TMEM132C: variants seen among roughly 807,000 people sequenced by gnomAD.
TMEM132C encodes the protein transmembrane protein 132C.
A neutral mutation model predicts 61.4 loss-of-function variants in TMEM132C; 29 were observed. The observed-to-expected ratio is 0.47, with a 90% CI of 0.35 to 0.64. The LOEUF is 0.64. TMEM132C is among the 30% of genes least tolerant of loss of function. The probability of loss-of-function intolerance (pLI) is 0.00; values close to 1 mark genes in which losing one functional copy is unlikely to be tolerated. For synonymous variants in TMEM132C, 656 were observed against 633.1 expected (o/e 1.04, Z -0.54); for missense variants, 1,408 against 1,476.9 (o/e 0.95, Z 0.76).
chr12:128,434,594 A>G (rs1297945206), intron 2 of TMEM132C, among the ~76,000 whole-genome samples: 1 of 149,848 alleles, frequency 6.7e-6, no homozygotes, highest in African/African-American at 2.5e-5. Flanking sequence ...GGCCTGGATA[A>G]TTTATATTTC....
intron 4 of TMEM132C, among the ~76,000 whole-genome samples, chr12:128,660,701 T>A: frequency 6.6e-6 from 1 of 152,162 alleles, no homozygotes; most frequent in Non-Finnish European, 1.5e-5. Flanking sequence ...CCCACGACCT[T>A]GGCATCGTGG....
At chr12:128,572,876 G>A (rs1185674674) in intron 3 of TMEM132C, among the ~76,000 whole-genome samples, 1 of 152,248 alleles carries the variant, frequency 6.6e-6, no homozygotes, top group African/African-American at 2.4e-5. Context: ...AGATACCAGA[G>A]AAATGCAAAT....
chr12:128,576,026 G>A (rs555437817), intron 3 of TMEM132C, among the ~76,000 whole-genome samples: 5 of 152,174 alleles, frequency 3.3e-5, no homozygotes, highest in East Asian at 1.9e-4. Flanking sequence ...AGGCTGAAGC[G>A]AGTGGCTCAC....
chr12:128,639,322 GTGA>G (rs1954136040), intron 4 of TMEM132C, among the ~76,000 whole-genome samples: 2 of 151,700 alleles, frequency 1.3e-5, no homozygotes, highest in African/African-American at 4.8e-5. Flanking sequence ...TGGTATGATG[GTGA>G]TGATGGTGAT....
intron 1 of TMEM132C, among the ~76,000 whole-genome samples, chr12:128,280,603 A>G (rs1000027506): frequency 3.9e-5 from 6 of 152,210 alleles, no homozygotes; most frequent in Non-Finnish European, 7.3e-5. Context: ...GAGTGGATGG[A>G]AAGATATTAT....
At chr12:128,460,060 A>AT (rs530941412) in intron 2 of TMEM132C, among the ~76,000 whole-genome samples, 1 of 152,270 alleles carries the variant, frequency 6.6e-6, no homozygotes, top group South Asian at 2.1e-4. Flanking sequence ...TAGTTAACAA[A>AT]TTTGGAGATT....
At chr12:128,458,211 TA>T (rs1194410431) in intron 2 of TMEM132C, among the ~76,000 whole-genome samples, 2 of 148,036 alleles carry the variant, frequency 1.4e-5, no homozygotes, top group Non-Finnish European at 3.0e-5. Context: ...TATAATTATA[TA>T]ATTATAATAT....
intron 1 of TMEM132C, among the ~76,000 whole-genome samples, chr12:128,383,014 G>A (rs569958679): frequency 6.6e-6 from 1 of 152,000 alleles, no homozygotes; most frequent in African/African-American, 2.4e-5. Flanking sequence ...GTGCGTCTGT[G>A]TATCTGTGTG....
chr12:128,502,976 G>T (rs938047431), intron 2 of TMEM132C, among the ~76,000 whole-genome samples: 2 of 152,232 alleles, frequency 1.3e-5, no homozygotes, highest in East Asian at 3.9e-4. Flanking sequence ...TTAGAAGGCT[G>T]TGTCAATCGG....
intron 1 of TMEM132C, among the ~76,000 whole-genome samples, chr12:128,324,567 A>G (rs1872443198): frequency 6.6e-6 from 1 of 152,104 alleles, no homozygotes; most frequent in Middle Eastern, 3.2e-3. Context: ...GTCATCAACA[A>G]TCATGTTGTG....
intron 1 of TMEM132C, among the ~76,000 whole-genome samples, chr12:128,364,247 CCTT>C (rs939127582): frequency 8.6e-5 from 13 of 151,096 alleles, no homozygotes; most frequent in African/African-American, 3.2e-4. Context: ...TTCTCCTCCT[CCTT>C]CTCCTCTCTT....
rs564315251 is a variant in TMEM132C at position 128,626,365 on chromosome 12, G to A, written c.1305+10030G>A. On this transcript the variant is annotated intron_variant, in intron 4 of 8. Coordinates refer to ENST00000435159, the MANE Select transcript of TMEM132C (RefSeq NM_001136103.3). ...GGCTGGTCTCGAACTCCTGACCTCAGGTGATCTGCCCACCTCAGCCTCCCA... is the reference window on the plus strand; with the variant it reads ...GGCTGGTCTCGAACTCCTGACCTCAAGTGATCTGCCCACCTCAGCCTCCCA... Among the ~76,000 whole-genome samples, 4 of 151,034 alleles carry A rather than the reference G, an allele frequency of 2.6e-5. No individual in the cohort carries two copies. In the East Asian group the frequency reaches 7.8e-4, roughly 29 times the overall value.
intron 3 of TMEM132C, among the ~76,000 whole-genome samples, chr12:128,545,019 G>A (rs192464459): frequency 3.3e-5 from 5 of 152,220 alleles, no homozygotes; most frequent in African/African-American, 1.2e-4. Context: ...GGTTTGTTAC[G>A]TTTATATGTT....
chr12:128,323,380 G>T lies in TMEM132C; in HGVS notation c.85+55893G>T, dbSNP rs115783035. ...GAGAGCCCACTGGCCTAAAAGGAGA[G>T]ATTGTCAGGCGTGACGAAGCAGGAA... On this transcript the variant is annotated intron_variant, in intron 1 of 8. Coordinates refer to ENST00000435159, the MANE Select transcript of TMEM132C (RefSeq NM_001136103.3). 4.0e-3 allele frequency among the ~76,000 whole-genome samples: 604 copies of T among 152,364 alleles called. 2 individuals carry two copies. The highest frequency in any genetic ancestry group is 9.5e-3 in the African/African-American group (396 of 41,590).
chr12:128,660,690 G>A (rs1253591171), intron 4 of TMEM132C, among the ~76,000 whole-genome samples: 1 of 152,204 alleles, frequency 6.6e-6, no homozygotes, highest in African/African-American at 2.4e-5. Context: ...TTGCCCATGT[G>A]CCCACGACCT....
chr12:128,604,497 TAGAC>T (rs1876337572), intron 3 of TMEM132C, among the ~76,000 whole-genome samples: 1 of 150,826 alleles, frequency 6.6e-6, no homozygotes, highest in East Asian at 2.0e-4. Flanking sequence ...CATAGAGGGA[TAGAC>T]AGATGGCTAG....
intron 1 of TMEM132C, among the ~76,000 whole-genome samples, chr12:128,370,643 C>G (rs1044528466): frequency 9.9e-5 from 15 of 151,970 alleles, no homozygotes; most frequent in African/African-American, 3.1e-4. Context: ...GCACCCTGAC[C>G]TCTCTCCTCC....
intron 2 of TMEM132C, among the ~76,000 whole-genome samples, chr12:128,462,084 T>C (rs1362834286): frequency 1.5e-5 from 2 of 135,764 alleles, no homozygotes; most frequent in Non-Finnish European, 3.0e-5. Context: ...GCTTTGCATC[T>C]GTTATTTTAT....
At chr12:128,673,421 G>A (rs1593143821) in intron 5 of TMEM132C, among the ~76,000 whole-genome samples, 1 of 152,184 alleles carries the variant, frequency 6.6e-6, no homozygotes, top group African/African-American at 2.4e-5. Flanking sequence ...AAATGTGTGT[G>A]TGTTGTTTAA....
Sources: allele counts gnomAD v4.1 joint callset (sites outside exome capture counted in the v4.1 genomes callset), GRCh38; gene constraint gnomAD v4.1.1; transcripts MANE v1.5; gene names NCBI Gene and HGNC (gene_info 2026-07-23, HGNC 2026-07-21).